Variants in ANKS1B observed in about 807,000 individuals in gnomAD.
ANKS1B encodes the protein ankyrin repeat and sterile alpha motif domain-containing protein 1B.
ANKS1B carries 36 observed loss-of-function variants against 148.3 expected under a neutral mutation model. The ratio of observed to expected loss-of-function variants is 0.24; its 90% CI spans 0.19 to 0.32. The LOEUF is 0.32. Among genes scored for constraint, ANKS1B ranks in the 10% least tolerant of loss-of-function variants. ANKS1B has a pLI of 1.00. For synonymous variants in ANKS1B, 542 were observed against 560.8 expected (o/e 0.97, Z 0.47); for missense variants, 1,157 against 1,542.6 (o/e 0.75, Z 4.19).
chr12:99,713,258 C>T (rs894754054), intron 8 of ANKS1B, among the ~76,000 whole-genome samples: 3 of 152,146 alleles, frequency 2.0e-5, no homozygotes, highest in Non-Finnish European at 1.5e-5. Flanking sequence ...TATCTAAAAT[C>T]GTTCCAAGGC....
intron 14 of ANKS1B, among the ~76,000 whole-genome samples, chr12:99,230,313 G>A (rs986876621): frequency 1.3e-5 from 2 of 152,080 alleles, no homozygotes. Context: ...GAAGCAGTGA[G>A]CTTATCATCA....
At chr12:99,748,429 A>AT (rs1177633415) in intron 8 of ANKS1B, among the ~76,000 whole-genome samples, 1 of 150,742 alleles carries the variant, frequency 6.6e-6, no homozygotes, top group Non-Finnish European at 1.5e-5. Flanking sequence ...TTTTTTTTAG[A>AT]TTTTCAGAAA....
At chr12:99,324,995 C>T (rs2086031311) in intron 12 of ANKS1B, among the ~76,000 whole-genome samples, 1 of 152,110 alleles carries the variant, frequency 6.6e-6, no homozygotes, top group African/African-American at 2.4e-5. Flanking sequence ...AAATACACCT[C>T]ATTCCCTTTC....
At chr12:98,830,746 C>T (rs2099301413) in intron 18 of ANKS1B, among the ~76,000 whole-genome samples, 1 of 152,124 alleles carries the variant, frequency 6.6e-6, no homozygotes. Flanking sequence ...GAGATCTCAG[C>T]TTTTCGACGA....
At chr12:99,789,366 C>T (rs1300642127) in intron 4 of ANKS1B, among the ~76,000 whole-genome samples, 3 of 152,094 alleles carry the variant, frequency 2.0e-5, no homozygotes, top group Non-Finnish European at 4.4e-5. Context: ...ACAAACAGGT[C>T]CAGACTGTGA....
chr12:99,798,423 TAAAAAAA>T (rs61020616), intron 4 of ANKS1B, among the ~76,000 whole-genome samples: 16 of 78,646 alleles, frequency 2.0e-4, no homozygotes, highest in African/African-American at 6.5e-4. Context: ...CTCTTGGAAT[TAAAAAAA>T]AAAAAAAAAA....
At chr12:98,997,962 T>C (rs1598241635) in intron 17 of ANKS1B, among the ~76,000 whole-genome samples, 1 of 152,220 alleles carries the variant, frequency 6.6e-6, no homozygotes, top group Non-Finnish European at 1.5e-5. Context: ...CCAGCAGTCA[T>C]TTTAATTACC....
Position 99,674,407 on chromosome 12 carries a change from G to A in ANKS1B, c.1129-19197C>T, listed in dbSNP as rs117599996. ...CCTAGCTGGACCTGCAAGGAAAGAT[G>A]GCAATATGAATTTAAAAACCGCTAT... On this transcript the variant is annotated intron_variant, in intron 8 of 26. Coordinates refer to ENST00000683438, the MANE Select transcript of ANKS1B (RefSeq NM_001352186.2). 2.4e-3 allele frequency among the ~76,000 whole-genome samples: 365 copies of A among 151,666 alleles called. 19 individuals carry two copies. The East Asian group carries it at 0.063, about 26-fold the overall frequency.
At chr12:99,878,703 G>A (rs1701480286) in intron 1 of ANKS1B, among the ~76,000 whole-genome samples, 1 of 151,946 alleles carries the variant, frequency 6.6e-6, no homozygotes, top group Non-Finnish European at 1.5e-5. Context: ...TGAATGTGCA[G>A]GTTTGTTACA....
At chr12:99,869,140 A>G (rs149131836) in intron 1 of ANKS1B, among the ~76,000 whole-genome samples, 251 of 152,276 alleles carry the variant, frequency 1.6e-3, no homozygotes, top group African/African-American at 5.6e-3. Context: ...GAAAATGTCA[A>G]TTTCTCCAAA....
intron 10 of ANKS1B, among the ~76,000 whole-genome samples, chr12:99,447,262 C>A (rs1002755116): frequency 2.0e-5 from 3 of 151,968 alleles, no homozygotes; most frequent in African/African-American, 7.2e-5. Flanking sequence ...TGGATATTCA[C>A]ATGCAGAAGA....
chr12:99,696,918 A>C (rs575682876), intron 8 of ANKS1B, among the ~76,000 whole-genome samples: 1 of 152,324 alleles, frequency 6.6e-6, no homozygotes, highest in East Asian at 1.9e-4. Context: ...AAATGGGCAA[A>C]AGATCTTAAC....
At chr12:99,078,771 C>T (rs993398638) in intron 16 of ANKS1B, among the ~76,000 whole-genome samples, 1 of 148,806 alleles carries the variant, frequency 6.7e-6, no homozygotes, top group Non-Finnish European at 1.5e-5. Context: ...CCCCATGGTC[C>T]CCACCGTCTG....
At chr12:99,775,427 C>T (rs1331865078) in intron 7 of ANKS1B, 121 bp downstream of exon 7, 5 of 535,322 alleles carry the variant, frequency 9.3e-6, no homozygotes, top group Non-Finnish European at 1.6e-5. Flanking sequence ...TAATCAGTAA[C>T]AGGAGCTCTT....
chr12:99,538,549 T>C (rs2097095262), intron 9 of ANKS1B, among the ~76,000 whole-genome samples: 1 of 152,168 alleles, frequency 6.6e-6, no homozygotes. Context: ...TTTGTCACAT[T>C]GTTCACTATT....
intron 12 of ANKS1B, among the ~76,000 whole-genome samples, chr12:99,309,362 T>A (rs1466695224): frequency 6.6e-6 from 1 of 152,062 alleles, no homozygotes; most frequent in Admixed American, 6.6e-5. Flanking sequence ...GTTAATGTTA[T>A]GTTTTTTTCC....
At chr12:99,332,702 GCTTTTTTT>G (rs1189749412) in intron 12 of ANKS1B, among the ~76,000 whole-genome samples, 2 of 134,372 alleles carry the variant, frequency 1.5e-5, no homozygotes, top group Non-Finnish European at 3.2e-5. Flanking sequence ...AAAAAAAAAA[GCTTTTTTT>G]CTTTTTTCCA....
At chr12:99,243,006 C>T (rs911301704) in intron 14 of ANKS1B, among the ~76,000 whole-genome samples, 11 of 152,234 alleles carry the variant, frequency 7.2e-5, no homozygotes, top group African/African-American at 2.6e-4. Context: ...GACTAAAACA[C>T]CAAAAGCAAT....
intron 10 of ANKS1B, among the ~76,000 whole-genome samples, chr12:99,464,347 CAG>C (rs1293870428): frequency 6.6e-6 from 1 of 152,126 alleles, no homozygotes; most frequent in African/African-American, 2.4e-5. Context: ...GGGGAAAAAA[CAG>C]AGCAGAAAAA....
Sources: gnomAD v4.1 joint callset for allele counts (sites outside exome capture counted in the v4.1 genomes callset) on GRCh38, gnomAD v4.1.1 for gene constraint, MANE v1.5 for transcripts, NCBI Gene and HGNC (gene_info 2026-07-23, HGNC 2026-07-21) for gene names.